Variants in FRAS1 observed in about 807,000 individuals in gnomAD.
FRAS1 encodes extracellular matrix organizing protein FRAS1.
A neutral mutation model predicts 435.2 loss-of-function variants in FRAS1; 290 were observed. That is an observed-to-expected ratio of 0.67 (90% CI 0.61 to 0.73). The LOEUF (loss-of-function observed/expected upper bound fraction) is 0.73, where lower values mean the gene tolerates loss of function less well. Among genes scored for constraint, FRAS1 ranks in the 30% least tolerant of loss-of-function variants. The pLI is 0.00. For missense variants in FRAS1, 4,860 were observed against 5,001.5 expected, an observed-to-expected ratio of 0.97 and a Z score of 0.85; for synonymous variants, 1,800 against 1,851.0, an observed-to-expected ratio of 0.97 and a Z score of 0.71.
chr4:78,175,622 T>C (rs970928337), intron 2 of FRAS1, among the ~76,000 whole-genome samples: 34 of 152,328 alleles, frequency 2.2e-4, no homozygotes, highest in Middle Eastern at 3.4e-3. Context: ...ATATTAATTC[T>C]ACATCTGAAA....
intron 29 of FRAS1, among the ~76,000 whole-genome samples, chr4:78,390,801 G>T (rs1451199062): frequency 6.6e-6 from 1 of 152,184 alleles, no homozygotes; most frequent in African/African-American, 2.4e-5. Context: ...CTTACCCTGT[G>T]GCTACCTAGT....
Position 78,255,315 on chromosome 4 carries a change from G to T in FRAS1, c.543G>T (p.Leu181=), listed in dbSNP as rs1247946911. ...GGCTGAGCCGGTGTGCCAAATGTCT[G>T]TGTAGAAATGGGGTTGCCCAGTGCT... ...DWRLSRCAKC[L]CRNGVAQCFT... Residue 181 remains leucine, a synonymous_variant, in exon 6 of 74, where the codon CTG becomes CTT. Transcript: ENST00000512123. The T allele has an allele frequency of 6.4e-7, 1 of 1,572,484 alleles. No homozygotes were observed. The highest frequency in any genetic ancestry group is 8.6e-7 in the Non-Finnish European group (1 of 1,158,016).
At chr4:78,282,792 C>G in intron 11 of FRAS1, 28 bp from the exon 12 acceptor site, 1 of 1,611,176 alleles carries the variant, frequency 6.2e-7, no homozygotes, top group Non-Finnish European at 8.5e-7. Context: ...ATCCTGATGA[C>G]AATGCTGTTC....
intron 2 of FRAS1, among the ~76,000 whole-genome samples, chr4:78,190,714 T>A (rs10518191): frequency 0.02 from 2,996 of 152,034 alleles, 99 homozygotes; most frequent in African/African-American, 0.068. Context: ...TACATGTTAT[T>A]TGAATGGTTA....
chr4:78,375,981 C>A, intron 26 of FRAS1, 102 bp downstream of exon 26: 3 of 1,351,404 alleles, frequency 2.2e-6, no homozygotes, highest in South Asian at 1.3e-5. Context: ...TAAAATGCAG[C>A]ATTCCCAATT....
chr4:78,178,898 G>T (rs1288069440), intron 2 of FRAS1, among the ~76,000 whole-genome samples: 2 of 152,170 alleles, frequency 1.3e-5, no homozygotes, highest in Non-Finnish European at 2.9e-5. Flanking sequence ...GTGAGGTATA[G>T]AGTAGGTATT....
chr4:78,482,017 G>A (rs1422791382), intron 57 of FRAS1, 53 bp downstream of exon 57: 2 of 1,559,142 alleles, frequency 1.3e-6, no homozygotes, highest in South Asian at 1.2e-5. Flanking sequence ...GTTTGTGAAT[G>A]TTGTCTTTAG....
intron 71 of FRAS1, 66 bp downstream of exon 71, chr4:78,534,681 C>T: frequency 6.8e-7 from 1 of 1,479,866 alleles, no homozygotes; most frequent in South Asian, 1.2e-5. Flanking sequence ...TGCTAAGTCA[C>T]CGGACTGGCA....
At chr4:78,158,518 T>A (rs1234395836) in intron 2 of FRAS1, among the ~76,000 whole-genome samples, 2 of 152,020 alleles carry the variant, frequency 1.3e-5, no homozygotes, top group East Asian at 1.9e-4. Context: ...TGTTTAGTCA[T>A]AAAAAGAATA....
chr4:78,308,824 G>C (rs991324866), intron 15 of FRAS1, among the ~76,000 whole-genome samples: 2 of 152,176 alleles, frequency 1.3e-5, no homozygotes, highest in Non-Finnish European at 2.9e-5. Flanking sequence ...GTCAATCTCT[G>C]TGCATGTCAA....
chr4:78,081,453 C>T (rs1740891205), intron 2 of FRAS1, among the ~76,000 whole-genome samples: 1 of 152,100 alleles, frequency 6.6e-6, no homozygotes, highest in Admixed American at 6.6e-5. Context: ...GACTGTGATG[C>T]CCAAAGAAAG....
intron 2 of FRAS1, among the ~76,000 whole-genome samples, chr4:78,232,752 A>G (rs1369668264): frequency 6.6e-6 from 1 of 152,214 alleles, no homozygotes; most frequent in African/African-American, 2.4e-5. Context: ...GAGTATCTCA[A>G]TTCTTATGAA....
chr4:78,236,750 C>T (rs569305952), intron 2 of FRAS1, among the ~76,000 whole-genome samples: 108 of 152,336 alleles, frequency 7.1e-4, no homozygotes, highest in African/African-American at 2.6e-3. Context: ...GAAGGAATTT[C>T]TGAGACCCTT....
chr4:78,539,504 AAAAAAG>A, intron 73 of FRAS1, 64 bp downstream of exon 73: 1 of 1,391,764 alleles, frequency 7.2e-7, no homozygotes. Flanking sequence ...AAAAAAAAAA[AAAAAAG>A]AAGGAGGACT....
At chr4:78,272,868 A>T (rs977238784) in intron 9 of FRAS1, among the ~76,000 whole-genome samples, 1 of 152,138 alleles carries the variant, frequency 6.6e-6, no homozygotes, top group Non-Finnish European at 1.5e-5. Flanking sequence ...TGGTAGCTTG[A>T]TGGGGCTGGC....
In FRAS1 at chr4:78,418,651, G is replaced by GA. The variant is rs1489919464; in HGVS notation, c.4426-292dup. Among the ~76,000 whole-genome samples the GA allele has an allele frequency of 3.3e-5, 5 of 152,242 alleles. No homozygotes were observed. The South Asian group carries it at 8.3e-4, about 25-fold the overall frequency. ...TCATTTGCAAACGTGTTCCACCTAGGAAAAAAGTAATAGCAGAATCCCAAC... is the reference window on the plus strand; with the variant it reads ...TCATTTGCAAACGTGTTCCACCTAGGAAAAAAAGTAATAGCAGAATCCCAAC... On this transcript the variant is annotated intron_variant, in intron 32 of 73. Coordinates refer to ENST00000512123, the MANE Select transcript of FRAS1 (RefSeq NM_025074.7).
chr4:78,131,642 G>A (rs1489772459), intron 2 of FRAS1, among the ~76,000 whole-genome samples: 1 of 152,176 alleles, frequency 6.6e-6, no homozygotes, highest in Non-Finnish European at 1.5e-5. Flanking sequence ...AAGATGATAT[G>A]TTAGTGTTAG....
At position 78,340,026 on chromosome 4, in the gene FRAS1, C is replaced by T. The variant is rs1427664420; in HGVS notation, c.2422+2209C>T. On this transcript the variant is annotated intron_variant, in intron 20 of 73. Transcript: ENST00000512123. ...TATGCTAGGGCATATTTAAAAAATA[C>T]ATGTTTATATAAGGAGATTAGAAAA... Among the ~76,000 whole-genome samples the T allele has an allele frequency of 2.4e-4, 37 of 152,096 alleles. 1 individual carries two copies. The highest frequency in any genetic ancestry group is 2.4e-3 in the Admixed American group (37 of 15,262).
chr4:78,181,074 A>G (rs1426937962), intron 2 of FRAS1: 70 of 1,569,446 alleles, frequency 4.5e-5, no homozygotes, highest in Non-Finnish European at 5.5e-5. Flanking sequence ...ATGATGGTCC[A>G]TAACTGAATC....
Sources: allele counts gnomAD v4.1 joint callset (sites outside exome capture counted in the v4.1 genomes callset), GRCh38; gene constraint gnomAD v4.1.1; transcripts MANE v1.5; gene names NCBI Gene and HGNC (gene_info 2026-07-23, HGNC 2026-07-21).